Variants in GRK1 observed in about 807,000 individuals in gnomAD.
GRK1 encodes the protein rhodopsin kinase GRK1.
In GRK1, 28 loss-of-function variants were observed where a neutral mutation model predicts 41.7. The ratio of observed to expected loss-of-function variants is 0.67; its 90% CI spans 0.50 to 0.92. The LOEUF (loss-of-function observed/expected upper bound fraction) is 0.92. GRK1 is among the 40% of genes least tolerant of loss of function. The probability of loss-of-function intolerance (pLI) is 0.00; values close to 1 mark genes in which losing one functional copy is unlikely to be tolerated. For missense variants in GRK1, 703 were observed against 671.2 expected, an observed-to-expected ratio of 1.05 and a Z score of -0.52; for synonymous variants, 327 against 286.7, an observed-to-expected ratio of 1.14 and a Z score of -1.42.
the GRK1 span, chr13:113,657,922 G>A: frequency 8.8e-5 from 76 of 864,998 alleles, 1 homozygote; most frequent in African/African-American, 2.5e-4. Context: ...AGGCAGCATC[G>A]GGGTCTCACT....
chr13:113,728,920 G>A (rs992292516), intron 4 of GRK1, among the ~76,000 whole-genome samples: 5 of 152,262 alleles, frequency 3.3e-5, no homozygotes, highest in African/African-American at 7.2e-5. Flanking sequence ...CTTAGCCAGA[G>A]GTGGGAGGAG....
chr13:113,653,446 G>A, the GRK1 span: 5 of 1,607,256 alleles, frequency 3.1e-6, no homozygotes, highest in Non-Finnish European at 4.3e-6. Flanking sequence ...TGGAGAGAGA[G>A]ACCTTTGTGC....
intron 6 of GRK1, among the ~76,000 whole-genome samples, chr13:113,734,079 T>C (rs188305329): frequency 1.4e-4 from 22 of 152,046 alleles, no homozygotes; most frequent in Non-Finnish European, 2.6e-4. Flanking sequence ...TGCGTGTATG[T>C]GTGTGTGTTC....
chr13:113,724,012 G>A (rs2049874461), intron 4 of GRK1, among the ~76,000 whole-genome samples: 1 of 152,198 alleles, frequency 6.6e-6, no homozygotes, highest in Non-Finnish European at 1.5e-5. Flanking sequence ...GTGTCCGTGT[G>A]CCTGTATGTG....
the GRK1 span, among the ~76,000 whole-genome samples, chr13:113,651,231 C>A: frequency 2.0e-4 from 30 of 152,202 alleles, no homozygotes; most frequent in Non-Finnish European, 3.4e-4. Flanking sequence ...ACTTAAAAAG[C>A]AGTTTTGAAA....
chr13:113,654,302 G>A, the GRK1 span, among the ~76,000 whole-genome samples: 1 of 152,220 alleles, frequency 6.6e-6, no homozygotes, highest in Non-Finnish European at 1.5e-5. Flanking sequence ...CACCGATGGG[G>A]ACGTCTGTCC....
the GRK1 span, among the ~76,000 whole-genome samples, chr13:113,651,992 G>A: frequency 6.6e-6 from 1 of 152,196 alleles, no homozygotes; most frequent in Non-Finnish European, 1.5e-5. Flanking sequence ...CTGGCAGGAG[G>A]CAGAGCTGGG....
chr13:113,653,275 TCACC>T, the GRK1 span: 16 of 1,413,044 alleles, frequency 1.1e-5, no homozygotes, highest in East Asian at 2.7e-5. Flanking sequence ...GCTTCACACC[TCACC>T]CACCCGCCGC....
At chr13:113,657,898 C>T in the GRK1 span, 227 of 732,758 alleles carry the variant, frequency 3.1e-4, no homozygotes, top group African/African-American at 3.7e-3. Context: ...GGCCGAAGCC[C>T]GTCCACGCCA....
chr13:113,732,832 C>T, intron 5 of GRK1, 52 bp from the exon 6 acceptor site: 1 of 1,529,078 alleles, frequency 6.5e-7, no homozygotes, highest in South Asian at 1.2e-5. Context: ...TCTGGTCTGA[C>T]CACCCAAGAG....
the GRK1 span, chr13:113,657,968 C>T: frequency 7.3e-7 from 1 of 1,360,806 alleles, no homozygotes; most frequent in Non-Finnish European, 1.0e-6. Flanking sequence ...CCTGAGCTCA[C>T]CTGGAGGCTG....
In GRK1 at chr13:113,735,359, C is replaced by T; in HGVS notation, c.1688C>T (p.Ser563Phe). The T allele has an allele frequency of 6.7e-7, 1 of 1,494,076 alleles. No homozygotes were observed. Among genetic ancestry groups the T allele is most frequent in the Non-Finnish European group, 8.9e-7 (1 of 1,122,584 alleles). The allele number at this position is 1,494,076 out of a possible 1,614,324, so 92.6% of individuals were successfully genotyped here. The change falls in exon 7 of 7, where the codon TCC becomes TTC. Residue 563 changes from serine (S) to phenylalanine (F), a missense_variant. Transcript: ENST00000335678. The part of the protein sequence containing the change: ...SSSKSGMCLV[S>F] ...TCCAAGTCAGGGATGTGTCTGGTTT[C>T]CTAGGTGACGCCCCAGAGTCCACGT...
chr13:113,668,339 G>A (rs1016259315), intron 1 of GRK1, among the ~76,000 whole-genome samples: 5 of 152,214 alleles, frequency 3.3e-5, no homozygotes, highest in African/African-American at 1.2e-4. Context: ...ACGTTCACTC[G>A]TCGGTTTTTC....
intron 4 of GRK1, among the ~76,000 whole-genome samples, chr13:113,728,451 CG>C (rs2049909973): frequency 3.8e-4 from 52 of 136,612 alleles, no homozygotes; most frequent in African/African-American, 1.3e-3. Flanking sequence ...GTACCCATGG[CG>C]AGGAGTACCC....
rs538350353 is a variant in GRK1, at chr13:113,669,848, C to A, written c.827+34C>A. On this transcript the variant is annotated intron_variant, in intron 2 of 6. Coordinates refer to ENST00000335678, the MANE Select transcript of GRK1 (RefSeq NM_002929.3). ...TGGGCCAGAGGGCACGAGGGGGCCC[C>A]GCTGTCCCACTGGGTCAGGGTTTCC... 4 of 1,611,460 alleles carry A rather than the reference C, an allele frequency of 2.5e-6. No individual in the cohort carries two copies. The South Asian group carries it at 3.3e-5, about 13-fold the overall frequency.
At chr13:113,733,211 C>T (rs2049950510) in intron 6 of GRK1, 126 bp downstream of exon 6, 1 of 906,496 alleles carries the variant, frequency 1.1e-6, no homozygotes, top group African/African-American at 1.7e-5. Flanking sequence ...GGCTCTCCCT[C>T]TGCCCCCAGC....
At chr13:113,650,541 G>T in the GRK1 span, 3 of 1,571,540 alleles carry the variant, frequency 1.9e-6, no homozygotes, top group Non-Finnish European at 1.7e-6. This position sits in a 1 kb window ranked among gnomAD's most constrained non-coding sequence, Gnocchi z 5.0. Context: ...GAGTCAGGCG[G>T]GAGCTGGTGT....
chr13:113,652,458 A>G, the GRK1 span, among the ~76,000 whole-genome samples: 8,281 of 152,108 alleles, frequency 0.054, 770 homozygotes, highest in African/African-American at 0.19. Flanking sequence ...TGGCTCAGGG[A>G]TCACCTCCCC....
At chr13:113,670,714 GCCCAGGCGGAGGGGAGGGGGCGC>G in intron 2 of GRK1, among the ~76,000 whole-genome samples, 1 of 138,296 alleles carries the variant, frequency 7.2e-6, no homozygotes, top group Non-Finnish European at 1.6e-5. Context: ...ACACAGGGGT[GCCCAGGCGGAGGGGAGGGGGCGC>G]TGGGAAACGC....
Sources: gnomAD v4.1 joint callset for allele counts (sites outside exome capture counted in the v4.1 genomes callset) on GRCh38, gnomAD v4.1.1 for gene constraint, Gnocchi (gnomAD v3.1) non-coding constraint, MANE v1.5 for transcripts, NCBI Gene and HGNC (gene_info 2026-07-23, HGNC 2026-07-21) for gene names.